Variants in MMEL1 observed in about 807,000 individuals in gnomAD.
MMEL1 encodes membrane metallo-endopeptidase-like 1.
MMEL1 carries 98 observed loss-of-function variants against 117.1 expected under a neutral mutation model. The observed-to-expected ratio is 0.84, with a 90% CI of 0.71 to 0.99. MMEL1 has a LOEUF of 0.99. Ranked by LOEUF, MMEL1 falls within the 50% of genes least tolerant of loss-of-function variation. MMEL1 has a pLI of 0.00. For missense variants in MMEL1, 1,014 were observed against 1,049.1 expected (o/e 0.97, Z 0.46); for synonymous variants, 390 against 415.1 (o/e 0.94, Z 0.74).
At chr1:2,627,392 T>C (rs1437626827) in intron 2 of MMEL1, among the ~76,000 whole-genome samples, 2 of 152,246 alleles carry the variant, frequency 1.3e-5, no homozygotes, top group East Asian at 3.8e-4. Context: ...TCTTTCATTC[T>C]TTTGAGATCA....
At position 2,598,674 on chromosome 1, in the gene MMEL1, G is replaced by A. The variant is rs1361720329; in HGVS notation, c.1158C>T (p.Ile386=). 6.2e-7 allele frequency: 1 copy of A among 1,614,016 alleles called. No homozygotes were observed. Among genetic ancestry groups the A allele is most frequent in the Non-Finnish European group, 8.5e-7 (1 of 1,180,020 alleles). Residue 386 remains isoleucine (I), a synonymous_variant, in exon 12 of 24, where the codon ATC becomes ATT. Coordinates refer to ENST00000378412, the MANE Select transcript of MMEL1 (RefSeq NM_033467.4). The part of the protein sequence containing the change: ...GIPYLQNLEN[I]IDTYSARTIQ... ...CTCACCTGGCTGAGTAGGTGTCGAT[G>A]ATGTTTTCAAGGTTCTGCAGGTAGG...
intron 14 of MMEL1, 32 bp from the exon 15 acceptor site, chr1:2,596,139 A>T (rs1644835359): frequency 1.3e-6 from 2 of 1,582,542 alleles, no homozygotes; most frequent in Admixed American, 1.7e-5. Flanking sequence ...CGTGTCCCAG[A>T]CTCATCTGGA....
intron 1 of MMEL1, among the ~76,000 whole-genome samples, chr1:2,630,614 TG>T: frequency 6.6e-6 from 1 of 151,104 alleles, no homozygotes; most frequent in South Asian, 2.1e-4. Flanking sequence ...TGCATGTGTG[TG>T]ACTGCACGTG....
intron 8 of MMEL1, 88 bp downstream of exon 8, chr1:2,606,160 G>C: frequency 9.4e-7 from 1 of 1,061,754 alleles, no homozygotes. Context: ...GCTCCCTGTC[G>C]GCCTGGCCCA....
chr1:2,594,922 T>A (rs1422896550), intron 16 of MMEL1, 29 bp from the exon 17 acceptor site: 2 of 1,587,406 alleles, frequency 1.3e-6, no homozygotes, highest in African/African-American at 2.7e-5. Flanking sequence ...CACTGCCAGA[T>A]GCTGGGGCCG....
chr1:2,603,509 A>G (rs751454341), intron 11 of MMEL1, among the ~76,000 whole-genome samples: 8 of 152,132 alleles, frequency 5.3e-5, no homozygotes, highest in Non-Finnish European at 2.9e-5. Context: ...ACTGGGAGGA[A>G]GCACCCTGCT....
intron 18 of MMEL1, 30 bp from the exon 19 acceptor site, chr1:2,593,963 C>T (rs373294186): frequency 3.9e-5 from 61 of 1,568,026 alleles, no homozygotes; most frequent in South Asian, 3.8e-4. Flanking sequence ...AAAGAATAAG[C>T]TGTGAGTGGA....
At chr1:2,591,885 T>C in intron 22 of MMEL1, 47 bp downstream of exon 22, 1 of 1,567,814 alleles carries the variant, frequency 6.4e-7, no homozygotes, top group Non-Finnish European at 8.8e-7. Context: ...CCTCCAGAGA[T>C]GAGTGGGGAA....
intron 1 of MMEL1, 56 bp from the exon 2 acceptor site, chr1:2,629,577 C>T (rs1638448141): frequency 7.3e-7 from 1 of 1,363,886 alleles, no homozygotes; most frequent in African/African-American, 1.5e-5. Context: ...CCGAGCCCGG[C>T]CCGAGGCTGG....
At chr1:2,630,818 G>C (rs1557566214) in intron 1 of MMEL1, among the ~76,000 whole-genome samples, 1 of 150,046 alleles carries the variant, frequency 6.7e-6, no homozygotes, top group Non-Finnish European at 1.5e-5. Flanking sequence ...TCGTGTGTGC[G>C]TGTGCATGAT....
intron 4 of MMEL1, 35 bp downstream of exon 4, chr1:2,611,246 G>T: frequency 6.4e-7 from 1 of 1,554,892 alleles, no homozygotes; most frequent in Non-Finnish European, 8.7e-7. Context: ...CCCAGCCCTT[G>T]GGCAGGCTGT....
chr1:2,604,122 T>TTCC, intron 10 of MMEL1, 25 bp downstream of exon 10: 1,301 of 1,356,706 alleles, frequency 9.6e-4, no homozygotes, highest in Non-Finnish European at 1.2e-3. Flanking sequence ...CGCTGCCCGC[T>TTCC]CCCCACCCGC....
chr1:2,614,024 A>C (rs948857856), intron 2 of MMEL1, among the ~76,000 whole-genome samples: 1 of 152,190 alleles, frequency 6.6e-6, no homozygotes, highest in South Asian at 2.1e-4. Flanking sequence ...GTGAAGAACA[A>C]GGGAGTTTTG....
intron 2 of MMEL1, among the ~76,000 whole-genome samples, chr1:2,614,058 A>C (rs1645168623): frequency 6.6e-6 from 1 of 152,198 alleles, no homozygotes; most frequent in African/African-American, 2.4e-5. Flanking sequence ...ACAAATAGTG[A>C]ATGCATTTGG....
At chr1:2,603,605 T>C (rs1167365066) in intron 11 of MMEL1, among the ~76,000 whole-genome samples, 1 of 151,924 alleles carries the variant, frequency 6.6e-6, no homozygotes, top group South Asian at 2.1e-4. Flanking sequence ...GAGGCCTCCG[T>C]TTCCTGCTCA....
chr1:2,598,593 G>A (rs1644883318), intron 12 of MMEL1, 61 bp downstream of exon 12: 13 of 1,604,250 alleles, frequency 8.1e-6, no homozygotes, highest in Middle Eastern at 1.9e-4. Flanking sequence ...GCTGTGTTGG[G>A]GAGGATGGGA....
At chr1:2,618,235 A>G (rs1645234711) in intron 2 of MMEL1, among the ~76,000 whole-genome samples, 1 of 152,074 alleles carries the variant, frequency 6.6e-6, no homozygotes, top group Admixed American at 6.6e-5. Context: ...AGTGGCTTGA[A>G]AAGAGCCTGG....
intron 19 of MMEL1, 113 bp downstream of exon 19, chr1:2,593,701 C>G: frequency 3.6e-6 from 5 of 1,389,832 alleles, no homozygotes; most frequent in Non-Finnish European, 4.7e-6. Context: ...GACCTGGCCT[C>G]GGTGTCCCCA....
intron 4 of MMEL1, 135 bp from the exon 5 acceptor site, chr1:2,609,966 G>T: frequency 1.0e-6 from 1 of 969,742 alleles, no homozygotes; most frequent in South Asian, 1.7e-5. Context: ...TCGCAGCTGT[G>T]TGCCCAGGGA....
Sources: gnomAD v4.1 joint callset for allele counts (sites outside exome capture counted in the v4.1 genomes callset) on GRCh38, gnomAD v4.1.1 for gene constraint, MANE v1.5 for transcripts, NCBI Gene and HGNC (gene_info 2026-07-23, HGNC 2026-07-21) for gene names.